SLC5A11: variants seen among roughly 807,000 people sequenced by gnomAD.
SLC5A11 encodes the protein solute carrier family 5 member 11.
SLC5A11 carries 48 observed loss-of-function variants against 69.8 expected under a neutral mutation model. The observed-to-expected ratio is 0.69, with a 90% confidence interval of 0.55 to 0.87. The LOEUF is 0.87. Among genes scored for constraint, SLC5A11 ranks in the 40% least tolerant of loss-of-function variants. SLC5A11 has a pLI of 0.00. For synonymous variants in SLC5A11, 319 were observed against 342.4 expected (o/e 0.93, Z 0.75); for missense variants, 784 against 866.1 (o/e 0.91, Z 1.19).
chr16:24,849,593 A>AAAAAAAAAAAATATATATATATATAT, intron 1 of SLC5A11, among the ~76,000 whole-genome samples: 3 of 35,908 alleles, frequency 8.4e-5, no homozygotes, highest in Non-Finnish European at 1.7e-4. Flanking sequence ...AAAAAAAAAA[A>AAAAAAAAAAAATATATATATATATAT]ATATATATAT....
chr16:24,864,810 A>T (rs965630230), intron 3 of SLC5A11, among the ~76,000 whole-genome samples: 7 of 151,740 alleles, frequency 4.6e-5, no homozygotes, highest in Admixed American at 3.9e-4. Flanking sequence ...AAAGAGATAG[A>T]TTTTTTTTTA....
chr16:24,906,721 G>A (rs184195172), exon 11 of SLC5A11: 34 of 1,613,644 alleles, frequency 2.1e-5, no homozygotes, highest in African/African-American at 9.3e-5. Flanking sequence ...CAGGCTGTTC[G>A]GACATCGCGT....
chr16:24,885,387 C>G (rs192990332), intron 8 of SLC5A11, among the ~76,000 whole-genome samples: 3 of 126,096 alleles, frequency 2.4e-5, no homozygotes, highest in African/African-American at 7.6e-5. Context: ...TGGCTCACAC[C>G]TGTAATCCCA....
chr16:24,891,450 G>C (rs1455072255), intron 9 of SLC5A11, among the ~76,000 whole-genome samples: 2 of 151,740 alleles, frequency 1.3e-5, no homozygotes, highest in Admixed American at 6.6e-5. Flanking sequence ...GAGTAGCTGG[G>C]ACTACAGGCA....
chr16:24,904,086 T>C (rs2049842199), intron 10 of SLC5A11, among the ~76,000 whole-genome samples: 1 of 152,120 alleles, frequency 6.6e-6, no homozygotes, highest in Non-Finnish European at 1.5e-5. Context: ...TATAAAACCA[T>C]CAGATCTCAT....
intron 12 of SLC5A11, 111 bp from the exon 14 acceptor site, chr16:24,907,851 AC>A: frequency 7.1e-7 from 1 of 1,417,270 alleles, no homozygotes; most frequent in Admixed American, 1.8e-5. Flanking sequence ...TCACCACTGC[AC>A]CCCGGCCTTG....
intron 9 of SLC5A11, among the ~76,000 whole-genome samples, chr16:24,894,497 A>C (rs1356359808): frequency 6.6e-6 from 1 of 152,106 alleles, no homozygotes; most frequent in Admixed American, 6.6e-5. Flanking sequence ...TGCAACTGAG[A>C]TGTTTCTTAC....
intron 2 of SLC5A11, 105 bp downstream of exon 3, chr16:24,858,883 AG>A: frequency 7.2e-7 from 1 of 1,382,454 alleles, no homozygotes; most frequent in Non-Finnish European, 9.6e-7. Flanking sequence ...TGACTGTGAG[AG>A]GAAGAAACTA....
intron 9 of SLC5A11, 120 bp from the exon 11 acceptor site, chr16:24,897,854 C>T: frequency 7.6e-7 from 1 of 1,320,516 alleles, no homozygotes; most frequent in Non-Finnish European, 1.1e-6. Context: ...TTATCTCCCA[C>T]TGACTCCCTC....
intron 3 of SLC5A11, among the ~76,000 whole-genome samples, chr16:24,865,867 T>A (rs573508974): frequency 1.6e-4 from 25 of 151,914 alleles, no homozygotes; most frequent in African/African-American, 5.5e-4. Context: ...TGTAAGTAAA[T>A]ATAACATACA....
chr16:24,862,778 G>A, intron 3 of SLC5A11, 106 bp downstream of exon 4: 1 of 936,644 alleles, frequency 1.1e-6, no homozygotes, highest in Non-Finnish European at 1.6e-6. Flanking sequence ...CATGTCGTTT[G>A]GAAGTCATTG....
At chr16:24,853,547 G>T (rs907199123) in intron 1 of SLC5A11, among the ~76,000 whole-genome samples, 1 of 152,134 alleles carries the variant, frequency 6.6e-6, no homozygotes, top group Non-Finnish European at 1.5e-5. Context: ...ATAAATGCTT[G>T]CAGGAAAGAA....
chr16:24,899,344 C>G (rs2049414372), intron 10 of SLC5A11, among the ~76,000 whole-genome samples: 1 of 152,094 alleles, frequency 6.6e-6, no homozygotes, highest in African/African-American at 2.4e-5. Context: ...GAAAGTTTGT[C>G]CCTTACTTTA....
chr16:24,911,563 G>C (rs1396456460), exon 16 of SLC5A11: 1 of 1,606,546 alleles, frequency 6.2e-7, no homozygotes. Flanking sequence ...TCCAAACTCT[G>C]TTTCTCTTCA....
chr16:24,857,154 T>A (rs1211828689), intron 1 of SLC5A11, among the ~76,000 whole-genome samples: 1 of 152,146 alleles, frequency 6.6e-6, no homozygotes, highest in African/African-American at 2.4e-5. Flanking sequence ...ATTCTTAACA[T>A]CTCTCCCCAT....
intron 3 of SLC5A11, among the ~76,000 whole-genome samples, chr16:24,867,657 A>G (rs2046998792): frequency 6.6e-6 from 1 of 152,320 alleles, no homozygotes; most frequent in African/African-American, 2.4e-5. Context: ...ATGCAAATTA[A>G]TAAAATTAGA....
chr16:24,886,859 T>A (rs577147703), intron 8 of SLC5A11, among the ~76,000 whole-genome samples: 30 of 152,010 alleles, frequency 2.0e-4, no homozygotes, highest in African/African-American at 7.2e-4. Flanking sequence ...TCAGGGAGGT[T>A]AAGGAGGTTG....
At chr16:24,860,693 T>A (rs188597930) in intron 2 of SLC5A11, among the ~76,000 whole-genome samples, 36 of 152,140 alleles carry the variant, frequency 2.4e-4, no homozygotes, top group Admixed American at 9.8e-4. Flanking sequence ...AAATAATATC[T>A]CAAAGTTTTT....
rs2049240496 is a variant in SLC5A11, at chr16:24,897,152, C to T, written c.871-822C>T. 3.3e-5 allele frequency among the ~76,000 whole-genome samples: 5 copies of T among 151,954 alleles called. No individual in the cohort carries two copies. In the South Asian group the frequency reaches 1.0e-3, roughly 32 times the overall value. On this transcript the variant is annotated intron_variant, in intron 9 of 15. Transcript: ENST00000347898. ...ATTTTTTTATAGAGATAGAGTTTCA[C>T]CATGTTGGCCAGGCTGGTCTTGAAC...
Sources: gnomAD v4.1 joint callset for allele counts (sites outside exome capture counted in the v4.1 genomes callset) on GRCh38, gnomAD v4.1.1 for gene constraint, MANE v1.5 for transcripts, NCBI Gene and HGNC (gene_info 2026-07-23, HGNC 2026-07-21) for gene names.